Variants in PPM1B observed in about 807,000 individuals in gnomAD.
The protein encoded by PPM1B is protein phosphatase, Mg2+/Mn2+ dependent 1B.
PPM1B carries 22 observed loss-of-function variants against 43.0 expected under a neutral mutation model. That is an observed-to-expected ratio of 0.51 (90% CI 0.37 to 0.73). The LOEUF (loss-of-function observed/expected upper bound fraction) is 0.73. Ranked by LOEUF, PPM1B falls within the 30% of genes least tolerant of loss-of-function variation. The pLI is 0.00. For missense variants in PPM1B, 632 were observed against 584.2 expected (o/e 1.08, Z -0.84); for synonymous variants, 217 against 197.9 (o/e 1.10, Z -0.81).
At chr2:44,228,708 A>G (rs187394446) in intron 5 of PPM1B, among the ~76,000 whole-genome samples, 312 of 151,430 alleles carry the variant, frequency 2.1e-3, no homozygotes, top group African/African-American at 7.3e-3. Context: ...GGGATATGAT[A>G]TGTTGGAACA....
At chr2:44,179,484 C>T (rs914490203) in intron 1 of PPM1B, among the ~76,000 whole-genome samples, 2 of 152,084 alleles carry the variant, frequency 1.3e-5, no homozygotes, top group Admixed American at 6.5e-5. Context: ...TTGAGAGTCT[C>T]TCTCTCTCTC....
At chr2:44,204,936 G>A (rs1173004846) in intron 2 of PPM1B, among the ~76,000 whole-genome samples, 4 of 148,020 alleles carry the variant, frequency 2.7e-5, no homozygotes, top group African/African-American at 4.9e-5. Flanking sequence ...AGTGTTGTAT[G>A]ACTGTGGTCA....
At chr2:44,225,814 G>A (rs139139434) in intron 5 of PPM1B, among the ~76,000 whole-genome samples, 1 of 151,800 alleles carries the variant, frequency 6.6e-6, no homozygotes, top group East Asian at 1.9e-4. Flanking sequence ...GCACCACCAC[G>A]CCTGGCTAAT....
At chr2:44,179,958 G>A (rs367767244) in intron 1 of PPM1B, among the ~76,000 whole-genome samples, 7 of 145,776 alleles carry the variant, frequency 4.8e-5, no homozygotes, top group African/African-American at 1.3e-4. Flanking sequence ...GCAGTGAGCC[G>A]AGATCCTACC....
At chr2:44,230,239 T>C (rs1050122635) in intron 5 of PPM1B, 174 bp from the exon 6 acceptor site, 53 of 1,419,454 alleles carry the variant, frequency 3.7e-5, no homozygotes, top group East Asian at 5.0e-5. Context: ...GAGATTATTA[T>C]TGGAAGTTTT....
chr2:44,217,823 T>C, intron 3 of PPM1B, 144 bp from the exon 4 acceptor site: 1 of 453,422 alleles, frequency 2.2e-6, no homozygotes. Context: ...TTTGTATTAC[T>C]TCTTAAAAAT....
chr2:44,235,766 T>C (rs141781661), downstream of PPM1B, among the ~76,000 whole-genome samples: 51 of 151,902 alleles, frequency 3.4e-4, no homozygotes, highest in African/African-American at 1.2e-3. Flanking sequence ...TAGCATGGTG[T>C]CACATGCCTA....
chr2:44,185,760 C>T (rs1668089811), intron 1 of PPM1B, among the ~76,000 whole-genome samples: 1 of 152,172 alleles, frequency 6.6e-6, no homozygotes, highest in African/African-American at 2.4e-5. Flanking sequence ...GTAACATCTC[C>T]TTGCCATTGG....
In PPM1B at chr2:44,218,481, C is replaced by G. The variant is rs747998488; in HGVS notation, c.1078C>G (p.Arg360Gly). 1.3e-6 allele frequency: 2 copies of G among 1,565,322 alleles called. No individual in the cohort carries two copies. Among genetic ancestry groups the G allele is most frequent in the East Asian group, 2.3e-5 (1 of 43,994 alleles). The change falls in exon 5 of 6, where the codon CGT becomes GGT. Residue 360 changes from arginine to glycine, a missense_variant and splice_region_variant. Arg to Gly is a moderately radical substitution (Grantham distance 125, BLOSUM62 -2). Transcript: ENST00000282412. ...CTAAAGCATGTTTTTTTTTTTTAGG[C>G]GTAATGTTATTGAAGCTGTTTATAG... ...LPPGGGLAGK[R>G]NVIEAVYSRL...
chr2:44,221,052 A>C (rs1286332883), intron 5 of PPM1B, among the ~76,000 whole-genome samples: 3 of 152,190 alleles, frequency 2.0e-5, no homozygotes, highest in Non-Finnish European at 4.4e-5. Context: ...TTATGTTTAG[A>C]GCATAAGAAT....
At chr2:44,178,422 ATACTCCTACCAGTGGTGTATTT>A (rs1667690460) in intron 1 of PPM1B, among the ~76,000 whole-genome samples, 1 of 148,722 alleles carries the variant, frequency 6.7e-6, no homozygotes, top group African/African-American at 2.5e-5. Context: ...ATACTAATTT[ATACTCCTACCAGTGGTGTATTT>A]TATATATGTA....
intron 3 of PPM1B, among the ~76,000 whole-genome samples, chr2:44,214,449 T>C (rs1397054251): frequency 6.6e-6 from 1 of 151,530 alleles, no homozygotes; most frequent in Non-Finnish European, 1.5e-5. Context: ...GTAAGGCAGA[T>C]ATTTTTTCGG....
At chr2:44,211,414 G>C (rs186492164) in intron 3 of PPM1B, among the ~76,000 whole-genome samples, 4 of 152,126 alleles carry the variant, frequency 2.6e-5, no homozygotes, top group Non-Finnish European at 5.9e-5. Context: ...ATAAGATTTA[G>C]GTTATACATT....
downstream of PPM1B, among the ~76,000 whole-genome samples, chr2:44,244,820 G>GATATATAGATAT (rs1670824963): frequency 7.7e-6 from 1 of 129,914 alleles, no homozygotes. Flanking sequence ...AATTACTTGA[G>GATATATAGATAT]ATATATATAT....
At chr2:44,242,395 CT>C (rs1422834584) in intron 5 of PPM1B, among the ~76,000 whole-genome samples, 1 of 151,982 alleles carries the variant, frequency 6.6e-6, no homozygotes, top group Admixed American at 6.6e-5. Flanking sequence ...TTTTTATTTT[CT>C]CCTTAAAAAA....
At position 44,230,519 on chromosome 2, in the gene PPM1B, T is replaced by A; in HGVS notation, c.1241T>A (p.Met414Lys). The A allele has an allele frequency of 6.2e-7, 1 of 1,614,144 alleles. No individual in the cohort carries two copies. The highest frequency in any genetic ancestry group is 2.2e-5 in the East Asian group (1 of 44,864). The change falls in exon 6 of 6, where the codon ATG (methionine) becomes AAG (lysine). Residue 414 changes from methionine (M) to lysine (K), a missense_variant. Met to Lys is a moderately conservative substitution (Grantham distance 95). Coordinates refer to ENST00000282412, the MANE Select transcript of PPM1B (RefSeq NM_002706.6). Reference protein sequence around the residue: ...RGNYRQLLEEMLTSYRLAKVE... With the variant: ...RGNYRQLLEEKLTSYRLAKVE... ...AACTACCGACAACTTCTGGAGGAGATGCTGACTAGTTACAGGCTAGCTAAA... is the reference window on the plus strand; with the variant it reads ...AACTACCGACAACTTCTGGAGGAGAAGCTGACTAGTTACAGGCTAGCTAAA...
chr2:44,244,008 A>G (rs774718875), intron 5 of PPM1B, among the ~76,000 whole-genome samples: 5 of 124,764 alleles, frequency 4.0e-5, no homozygotes, highest in Non-Finnish European at 7.2e-5. Context: ...TGTCCCCAGT[A>G]CAGTTTTGTA....
intron 1 of PPM1B, among the ~76,000 whole-genome samples, chr2:44,181,208 A>G (rs1361758791): frequency 1.3e-5 from 2 of 152,148 alleles, no homozygotes; most frequent in Admixed American, 1.3e-4. Flanking sequence ...TTTGGCCTCC[A>G]GAAGTGCTGG....
intron 1 of PPM1B, among the ~76,000 whole-genome samples, chr2:44,195,690 T>C (rs1668629575): frequency 6.6e-6 from 1 of 152,176 alleles, no homozygotes; most frequent in African/African-American, 2.4e-5. Context: ...AAATAAAAAA[T>C]ACATGTCTGC....
Sources: gnomAD v4.1 joint callset for allele counts (sites outside exome capture counted in the v4.1 genomes callset) on GRCh38, gnomAD v4.1.1 for gene constraint, MANE v1.5 for transcripts, NCBI Gene and HGNC (gene_info 2026-07-23, HGNC 2026-07-21) for gene names.